EIF1B: variants seen among roughly 807,000 people sequenced by gnomAD.
The protein encoded by EIF1B is eukaryotic translation initiation factor 1B, also known as protein translation factor SUI1 homolog GC20.
A neutral mutation model predicts 14.8 loss-of-function variants in EIF1B; 5 were observed. That is an observed-to-expected ratio of 0.34 (90% CI 0.18 to 0.71). EIF1B has a LOEUF of 0.71. Among genes scored for constraint, EIF1B ranks in the 30% least tolerant of loss-of-function variants. EIF1B has a pLI of 0.64. For synonymous variants in EIF1B, 45 were observed against 45.8 expected (o/e 0.98, Z 0.07); for missense variants, 56 against 134.0 (o/e 0.42, Z 2.87).
chr3:40,309,803 A>C lies in EIF1B; in HGVS notation c.-139A>C. The C allele has an allele frequency of 1.1e-5, 11 of 984,612 alleles. No individual in the cohort carries two copies. In the South Asian group the frequency reaches 1.5e-4, roughly 14 times the overall value. 61.0% of individuals were successfully genotyped at this position (984,612 alleles called of 1,614,324 possible). On this transcript the variant is annotated 5_prime_UTR_variant, in exon 1 of 4. Transcript: ENST00000232905. ...CCTCCTCCCGGCTTCCGCCGCCGCC[A>C]CTCCAGCCTAATCCCAACCCCAGGG... is the stretch of plus-strand genomic sequence containing the variant.
chr3:40,311,182 A>G, intron 2 of EIF1B, 126 bp downstream of exon 2: 2 of 892,718 alleles, frequency 2.2e-6, no homozygotes, highest in Non-Finnish European at 3.3e-6. Flanking sequence ...CATTTTTGTA[A>G]TTAACATGTA....
At position 40,311,067 on chromosome 3, in the gene EIF1B, T is replaced by G. The variant is rs759772022; in HGVS notation, c.195+11T>G. On this transcript the variant is annotated intron_variant, in intron 2 of 3. Coordinates refer to ENST00000232905, the MANE Select transcript of EIF1B (RefSeq NM_005875.3). Reference sequence around the variant, plus strand: ...AAAGCTTTCAAAAAGGTAAAGGGATTAGGAAGAAAGGATTAGAGTTACTGA... The same window carrying G: ...AAAGCTTTCAAAAAGGTAAAGGGATGAGGAAGAAAGGATTAGAGTTACTGA... The G allele has an allele frequency of 6.2e-7, 1 of 1,612,824 alleles. No individual in the cohort carries two copies. The highest frequency in any genetic ancestry group is 8.5e-7 in the Non-Finnish European group (1 of 1,179,320).
At chr3:40,310,517 G>A (rs1954311551) in intron 1 of EIF1B, 1 of 191,218 alleles carries the variant, frequency 5.2e-6, no homozygotes, top group Non-Finnish European at 1.1e-5. Context: ...AAATGATTAA[G>A]GTGGGCGTAT....
intron 2 of EIF1B, 148 bp downstream of exon 2, chr3:40,311,204 A>G (rs984603351): frequency 1.3e-6 from 1 of 762,548 alleles, no homozygotes; most frequent in Non-Finnish European, 2.0e-6. Flanking sequence ...ATATTTAGTT[A>G]TTCTCCCAGT....
At position 40,311,583 on chromosome 3, in the gene EIF1B, G is replaced by A. The variant is rs2125569981; in HGVS notation, c.297+12G>A. The stretch of plus-strand genomic sequence containing the variant: ...AGTTTCTCTTGGAGGTGAGTGATTG[G>A]GTGCTTTATGTGTAACCTTGAGATT... On this transcript the variant is annotated intron_variant, in intron 3 of 3. Transcript: ENST00000232905. The A allele has an allele frequency of 6.3e-7, 1 of 1,594,200 alleles. No individual in the cohort carries two copies. Among genetic ancestry groups the A allele is most frequent in the South Asian group, 1.1e-5 (1 of 90,258 alleles).
At position 40,309,842 on chromosome 3, in the gene EIF1B, T is replaced by G. The variant is rs1356518947; in HGVS notation, c.-100T>G. 9.2e-6 allele frequency: 13 copies of G among 1,414,596 alleles called. No homozygotes were observed. In the Admixed American group the frequency reaches 1.7e-4, roughly 19 times the overall value. The allele number at this position is 1,414,596 out of a possible 1,614,324, so 87.6% of individuals were successfully genotyped here. ...CCAACCCCAGGGCGAAGCGTTTTCT[T>G]ATTTATTTCCGTTTTCTCGCCACTA... On this transcript the variant is annotated 5_prime_UTR_variant, in exon 1 of 4. Transcript: ENST00000232905.
chr3:40,311,296 T>G, intron 2 of EIF1B, 174 bp from the exon 3 acceptor site: 1 of 600,488 alleles, frequency 1.7e-6, no homozygotes, highest in Non-Finnish European at 2.8e-6. Context: ...ATGTTACACA[T>G]AAAATCATTT....
At chr3:40,310,791 T>G in intron 1 of EIF1B, 102 bp from the exon 2 acceptor site, 1 of 1,303,938 alleles carries the variant, frequency 7.7e-7, no homozygotes, top group Non-Finnish European at 1.0e-6. Flanking sequence ...AGAACCTTCA[T>G]TGATGACTGT....
chr3:40,311,672 TGAAG>T, intron 3 of EIF1B, 101 bp downstream of exon 3: 1 of 960,124 alleles, frequency 1.0e-6, no homozygotes, highest in South Asian at 1.5e-5. Context: ...ATCATACGAA[TGAAG>T]GAAATTAGGT....
chr3:40,310,063 C>T (rs1488853880), intron 1 of EIF1B, 91 bp downstream of exon 1: 7 of 1,538,672 alleles, frequency 4.5e-6, no homozygotes, highest in African/African-American at 2.7e-5. Context: ...GGCCCCCTTT[C>T]TGCCCTTCCC....
chr3:40,310,290 C>G (rs555770185), intron 1 of EIF1B, among the ~76,000 whole-genome samples: 1 of 152,374 alleles, frequency 6.6e-6, no homozygotes, highest in East Asian at 1.9e-4. Flanking sequence ...TAGATCGGCC[C>G]TGCTACTTGC....
chr3:40,311,656 T>TA (rs1038933367), intron 3 of EIF1B, 85 bp downstream of exon 3: 6 of 1,094,604 alleles, frequency 5.5e-6, no homozygotes, highest in African/African-American at 4.8e-5. Context: ...TTCTACTAAG[T>TA]AAAAAATCAT....
rs1010665842 is a variant in EIF1B at position 40,309,769 on chromosome 3, C to G, written c.-173C>G. 4 of 695,782 alleles carry G rather than the reference C, an allele frequency of 5.7e-6. No homozygotes were observed. The highest frequency in any genetic ancestry group is 9.7e-6 in the Non-Finnish European group (4 of 412,162). The allele number at this position is 695,782 out of a possible 1,614,324, so 43.1% of individuals were successfully genotyped here. A position where few individuals can be genotyped will look rare whatever the true frequency, so the allele number is the denominator to read the frequency against. ...CCTCTTCCTCCGCCTCCTCCTTCGC[C>G]TCTTCCTGCCTCCTCCCGGCTTCCG... On this transcript the variant is annotated 5_prime_UTR_variant, in exon 1 of 4. Coordinates refer to ENST00000232905, the MANE Select transcript of EIF1B (RefSeq NM_005875.3).
chr3:40,311,440 A>G, intron 2 of EIF1B, 30 bp from the exon 3 acceptor site: 1 of 1,531,766 alleles, frequency 6.5e-7, no homozygotes, highest in Non-Finnish European at 9.0e-7. Flanking sequence ...AGTTGACTAA[A>G]TTTTGTTGTA....
At position 40,312,381 on chromosome 3, in the gene EIF1B, C is replaced by G. The variant is rs1186900109; in HGVS notation, c.*367C>G. ...CTATGAATCTTTGTGAGCAATTATG[C>G]TCCCAAATCTAAGCAAGTAAAATAC... is the stretch of plus-strand genomic sequence containing the variant. On this transcript the variant is annotated 3_prime_UTR_variant, in exon 4 of 4. Transcript: ENST00000232905. The G allele has an allele frequency of 5.3e-6, 1 of 189,950 alleles. No homozygotes were observed. The highest frequency in any genetic ancestry group is 2.4e-5 in the African/African-American group (1 of 42,000). 11.8% of individuals were successfully genotyped at this position (189,950 alleles called of 1,614,324 possible).
At chr3:40,311,222 C>G in intron 2 of EIF1B, 166 bp downstream of exon 2, 1 of 685,438 alleles carries the variant, frequency 1.5e-6, no homozygotes, top group East Asian at 2.9e-5. Flanking sequence ...AGTGTGGTCT[C>G]TCATTTTAAA....
At chr3:40,311,858 A>AGT (rs1954330187) in intron 3 of EIF1B, 112 bp from the exon 4 acceptor site, 4 of 847,336 alleles carry the variant, frequency 4.7e-6, no homozygotes, top group Non-Finnish European at 7.9e-6. Flanking sequence ...CACAGACAAC[A>AGT]GTGTTGCAGT....
At position 40,311,478 on chromosome 3, in the gene EIF1B, C is replaced by T. The variant is rs1954325380; in HGVS notation, c.204C>T (p.Ala68=). 20 of 1,611,020 alleles carry T rather than the reference C, an allele frequency of 1.2e-5. No homozygotes were observed. Among genetic ancestry groups the T allele is most frequent in the Non-Finnish European group, 1.6e-5 (19 of 1,178,570 alleles). ...TTTATGCACTTTTCCAGAAATTTGC[C>T]TGTAATGGTACTGTGATTGAACATC... ...KLVKAFKKKF[A]CNGTVIEHPE... Residue 68 remains alanine, a synonymous_variant, in exon 3 of 4, where the codon GCC becomes GCT. Transcript: ENST00000232905.
In EIF1B at chr3:40,310,782, G is replaced by T; in HGVS notation, c.32-111G>T. ...ACCGGCAAAAACAGCAAAGGCACTA[G>T]AACCTTCATTGATGACTGTCTGGAT... is the stretch of plus-strand genomic sequence containing the variant. On this transcript the variant is annotated intron_variant, in intron 1 of 3. Transcript: ENST00000232905. 4 of 1,233,108 alleles carry T rather than the reference G, an allele frequency of 3.2e-6. No individual in the cohort carries two copies. In the East Asian group the frequency reaches 1.0e-4, roughly 32 times the overall value. The allele number at this position is 1,233,108 out of a possible 1,614,324, so 76.4% of individuals were successfully genotyped here. A position where few individuals can be genotyped will look rare whatever the true frequency, so the allele number is the denominator to read the frequency against.
Sources: allele counts gnomAD v4.1 joint callset (sites outside exome capture counted in the v4.1 genomes callset), GRCh38; gene constraint gnomAD v4.1.1; transcripts MANE v1.5; gene names NCBI Gene and HGNC (gene_info 2026-07-23, HGNC 2026-07-21).